Variants in SCAPER observed in about 807,000 individuals in gnomAD.
SCAPER encodes the protein S-phase cyclin A associated protein in the ER, also known as S phase cyclin A-associated protein in the endoplasmic reticulum.
Under a neutral mutation model 182.2 loss-of-function variants are expected in SCAPER, and 98 were observed. The ratio of observed to expected loss-of-function variants is 0.54; its 90% CI spans 0.46 to 0.64. The LOEUF is 0.64. SCAPER is among the 30% of genes least tolerant of loss of function. SCAPER has a pLI of 0.00. For missense variants in SCAPER, 1,432 were observed against 1,690.0 expected (o/e 0.85, Z 2.68); for synonymous variants, 605 against 564.6 (o/e 1.07, Z -1.01).
In SCAPER at chr15:76,854,197, A is replaced by G. The variant is rs535989491; in HGVS notation, c.195+3612T>C. Among the ~76,000 whole-genome samples the G allele has an allele frequency of 3.3e-5, 5 of 152,134 alleles. No individual in the cohort carries two copies. The South Asian group carries it at 1.0e-3, about 32-fold the overall frequency. On this transcript the variant is annotated intron_variant, in intron 4 of 31. Coordinates refer to ENST00000563290, the MANE Select transcript of SCAPER (RefSeq NM_020843.4). ...GGCAGGAGAATCGCTTGAACCCAGG[A>G]GGCGGAGGTTGTGGTGAGCCGAGAT...
intron 1 of SCAPER, among the ~76,000 whole-genome samples, chr15:76,897,102 T>A (rs1473702717): frequency 6.6e-6 from 1 of 152,076 alleles, no homozygotes; most frequent in Non-Finnish European, 1.5e-5. Flanking sequence ...AGAGTAAAAA[T>A]ATCTACTTTG....
chr15:76,518,692 G>A (rs574594611), intron 23 of SCAPER, among the ~76,000 whole-genome samples: 13 of 152,284 alleles, frequency 8.5e-5, no homozygotes, highest in African/African-American at 2.9e-4. Flanking sequence ...GACACAAAAT[G>A]CAGTGCAGCA....
chr15:76,575,645 T>C (rs981206107), intron 22 of SCAPER, among the ~76,000 whole-genome samples: 1 of 152,350 alleles, frequency 6.6e-6, no homozygotes, highest in Non-Finnish European at 1.5e-5. Context: ...ATGTTCTTCA[T>C]CTTTTCCTTC....
chr15:76,734,895 T>C (rs762036730), intron 15 of SCAPER, among the ~76,000 whole-genome samples: 1 of 151,982 alleles, frequency 6.6e-6, no homozygotes, highest in Non-Finnish European at 1.5e-5. Flanking sequence ...TATATATATA[T>C]ATATGATAAA....
At chr15:76,808,681 T>A (rs2066370090) in intron 5 of SCAPER, among the ~76,000 whole-genome samples, 1 of 152,220 alleles carries the variant, frequency 6.6e-6, no homozygotes, top group South Asian at 2.1e-4. Context: ...GGACCATAAA[T>A]GTGCATGTGG....
intron 25 of SCAPER, among the ~76,000 whole-genome samples, chr15:76,445,896 C>A (rs1019101584): frequency 2.6e-5 from 4 of 152,148 alleles, no homozygotes; most frequent in Admixed American, 2.6e-4. Context: ...CAAGGGATGG[C>A]GAGAGGGGCG....
chr15:76,809,155 G>T (rs746400842), intron 5 of SCAPER, among the ~76,000 whole-genome samples: 1 of 152,090 alleles, frequency 6.6e-6, no homozygotes, highest in Non-Finnish European at 1.5e-5. Flanking sequence ...CCTACAGAAG[G>T]CCAGTATGAC....
chr15:76,497,586 GTAAAA>G (rs1003813829), intron 24 of SCAPER, among the ~76,000 whole-genome samples: 2 of 152,112 alleles, frequency 1.3e-5, no homozygotes, highest in African/African-American at 2.4e-5. Context: ...GAAACTCATA[GTAAAA>G]ACTGTGAGAG....
At chr15:76,870,009 A>G (rs1007480471) in intron 2 of SCAPER, among the ~76,000 whole-genome samples, 3 of 152,186 alleles carry the variant, frequency 2.0e-5, no homozygotes, top group African/African-American at 7.2e-5. Context: ...GAGAACTATC[A>G]TATGTTCTCC....
intron 21 of SCAPER, among the ~76,000 whole-genome samples, chr15:76,645,111 T>C (rs73457077): frequency 0.019 from 2,821 of 152,282 alleles, 87 homozygotes; most frequent in African/African-American, 0.063. Context: ...GCATATGCAC[T>C]GCATTACATA....
intron 5 of SCAPER, among the ~76,000 whole-genome samples, chr15:76,838,485 C>T (rs970552730): frequency 1.3e-5 from 2 of 152,156 alleles, no homozygotes; most frequent in African/African-American, 2.4e-5. Flanking sequence ...GCCTATGCTC[C>T]TTCCCTCACA....
chr15:76,452,416 T>A (rs1270442124), intron 25 of SCAPER, among the ~76,000 whole-genome samples: 1 of 152,260 alleles, frequency 6.6e-6, no homozygotes, highest in East Asian at 1.9e-4. Flanking sequence ...TTAAATAACA[T>A]CAGCGTTTTG....
chr15:76,666,899 G>C (rs1471897401), intron 20 of SCAPER, among the ~76,000 whole-genome samples: 2 of 152,104 alleles, frequency 1.3e-5, no homozygotes, highest in Non-Finnish European at 1.5e-5. Context: ...TCCTATCTAA[G>C]AGCAAGTCCT....
intron 27 of SCAPER, among the ~76,000 whole-genome samples, chr15:76,399,374 G>C (rs1483009721): frequency 1.3e-5 from 2 of 152,076 alleles, no homozygotes; most frequent in Non-Finnish European, 2.9e-5. Context: ...CTGACCTCAG[G>C]TGATCCACCT....
intron 25 of SCAPER, among the ~76,000 whole-genome samples, chr15:76,464,005 G>GTTTTT (rs1305775667): frequency 1.7e-4 from 5 of 30,138 alleles, no homozygotes; most frequent in East Asian, 2.0e-3. Context: ...ACTTTCACTG[G>GTTTTT]TCTTTTTTTT....
At chr15:76,534,224 CG>C (rs2043929991) in intron 23 of SCAPER, among the ~76,000 whole-genome samples, 1 of 152,122 alleles carries the variant, frequency 6.6e-6, no homozygotes, top group Non-Finnish European at 1.5e-5. Context: ...TTGAAAGTTA[CG>C]ACAAACATTG....
At chr15:76,507,160 A>C (rs2041655176) in intron 23 of SCAPER, among the ~76,000 whole-genome samples, 2 of 152,194 alleles carry the variant, frequency 1.3e-5, no homozygotes, top group Admixed American at 6.5e-5. Flanking sequence ...ACTAAGTTAA[A>C]AGTGAGGCCG....
chr15:76,415,586 C>T (rs1463344272), intron 26 of SCAPER, among the ~76,000 whole-genome samples: 1 of 152,112 alleles, frequency 6.6e-6, no homozygotes, highest in Non-Finnish European at 1.5e-5. Flanking sequence ...AAAGTTAAAA[C>T]ATGTTATGTT....
chr15:76,802,317 C>T (rs2065858165), intron 6 of SCAPER, among the ~76,000 whole-genome samples: 1 of 152,082 alleles, frequency 6.6e-6, no homozygotes, highest in Non-Finnish European at 1.5e-5. Context: ...TAAATCTATT[C>T]CCTTTTTTTT....
Sources: allele counts gnomAD v4.1 joint callset (sites outside exome capture counted in the v4.1 genomes callset), GRCh38; gene constraint gnomAD v4.1.1; transcripts MANE v1.5; gene names NCBI Gene and HGNC (gene_info 2026-07-23, HGNC 2026-07-21).